C1orf115: variants seen among roughly 807,000 people sequenced by gnomAD.
The protein encoded by C1orf115 is required for drug-induced death protein 1.
Under a neutral mutation model 12.5 loss-of-function variants are expected in C1orf115, and 14 were observed. That is an observed-to-expected ratio of 1.12 (90% CI 0.74 to 1.75). The LOEUF is 1.75. Ranked by LOEUF, C1orf115 falls within the 40% of genes most tolerant of loss-of-function variation. The pLI is 0.00. For missense variants in C1orf115, 237 were observed against 220.8 expected (o/e 1.07, Z -0.46); for synonymous variants, 109 against 104.6 (o/e 1.04, Z -0.26).
chr1:220,690,463 C>G lies in C1orf115; in HGVS notation c.61C>G (p.Arg21Gly), dbSNP rs1260263185. The change falls in exon 1 of 2, where the codon CGA (arginine) becomes GGA (glycine). Residue 21 changes from arginine to glycine, a missense_variant. Physicochemically the swap from Arg to Gly is moderately radical, Grantham distance 125. Transcript: ENST00000294889. ...GAGCAGCCTCCTGCGCCGCGGGCCCCGAGGGCGAGGGCGAACCGAGGGGGA... is the reference window on the plus strand; with the variant it reads ...GAGCAGCCTCCTGCGCCGCGGGCCCGGAGGGCGAGGGCGAACCGAGGGGGA... ...AESSLLRRGPRGRGRTEGDEE... is the reference protein window; with the variant it reads ...AESSLLRRGPGGRGRTEGDEE... 1.5e-5 allele frequency: 22 copies of G among 1,440,184 alleles called. No homozygotes were observed. The highest frequency in any genetic ancestry group is 1.9e-5 in the Non-Finnish European group (21 of 1,104,092). The allele number at this position is 1,440,184 out of a possible 1,614,324, so 89.2% of individuals were successfully genotyped here. A position where few individuals can be genotyped will look rare whatever the true frequency, so the allele number is the denominator to read the frequency against.
Position 220,697,394 on chromosome 1 carries a change from A to G in C1orf115, c.*663A>G, listed in dbSNP as rs1038800931. On this transcript the variant is annotated 3_prime_UTR_variant, in exon 2 of 2. Transcript: ENST00000294889. This position sits in a 1 kb window ranked among gnomAD's most constrained non-coding sequence, Gnocchi z 4.5. ...CCTTGTCATTTTACCCCATCCCTGC[A>G]TGACTGTGAAGCTGGCGAGGAAGGA... The G allele has an allele frequency of 1.5e-4, 23 of 152,540 alleles. No homozygotes were observed. The highest frequency in any genetic ancestry group is 4.1e-4 in the African/African-American group (17 of 41,570). 9.4% of individuals were successfully genotyped at this position (152,540 alleles called of 1,614,324 possible).
chr1:220,690,528 G>C lies in C1orf115; in HGVS notation c.126G>C (p.Ala42=). The C allele has an allele frequency of 6.9e-7, 1 of 1,444,008 alleles. No individual in the cohort carries two copies. The highest frequency in any genetic ancestry group is 9.0e-7 in the Non-Finnish European group (1 of 1,105,006). The allele number at this position is 1,444,008 out of a possible 1,614,324, so 89.4% of individuals were successfully genotyped here. A position where few individuals can be genotyped will look rare whatever the true frequency, so the allele number is the denominator to read the frequency against. Residue 42 remains alanine (A), a synonymous_variant, in exon 1 of 2, where the codon GCG becomes GCC. Coordinates refer to ENST00000294889, the MANE Select transcript of C1orf115 (RefSeq NM_024709.5). The part of the protein sequence containing the change: ...AAAILEHLEY[A]DEAEAAAESG... ...CCATCCTGGAGCACCTGGAGTACGCGGACGAGGCGGAGGCGGCGGCCGAGA... is the reference window on the plus strand; with the variant it reads ...CCATCCTGGAGCACCTGGAGTACGCCGACGAGGCGGAGGCGGCGGCCGAGA...
intron 1 of C1orf115, among the ~76,000 whole-genome samples, chr1:220,690,918 C>T (rs1053326013): frequency 6.6e-6 from 1 of 152,002 alleles, no homozygotes; most frequent in Admixed American, 6.5e-5. Context: ...CTGGGTGGTC[C>T]CTGCTGTGCC....
At chr1:220,695,478 C>G (rs1156665947) in intron 1 of C1orf115, among the ~76,000 whole-genome samples, 1 of 150,166 alleles carries the variant, frequency 6.7e-6, no homozygotes, top group Non-Finnish European at 1.5e-5. Context: ...TGAACGTGTT[C>G]CCTGACGATG....
At chr1:220,694,247 A>G (rs911981272) in intron 1 of C1orf115, among the ~76,000 whole-genome samples, 5 of 152,234 alleles carry the variant, frequency 3.3e-5, no homozygotes, top group Non-Finnish European at 7.3e-5. Flanking sequence ...AGCAGTAATA[A>G]TAGCTGACAT....
At position 220,698,194 on chromosome 1, in the gene C1orf115, G is replaced by C. The variant is rs1452591133; in HGVS notation, c.*1463G>C. On this transcript the variant is annotated 3_prime_UTR_variant, in exon 2 of 2. Coordinates refer to ENST00000294889, the MANE Select transcript of C1orf115 (RefSeq NM_024709.5). ...GGGGCTGTTGCTGAACAGTCTGCAG[G>C]ACCAGTGACAGCACCTACCTGTTGT... 1.3e-5 allele frequency: 2 copies of C among 152,254 alleles called. No individual in the cohort carries two copies. Among genetic ancestry groups the C allele is most frequent in the Non-Finnish European group, 2.9e-5 (2 of 68,098 alleles). The allele number at this position is 152,254 out of a possible 1,614,324, so 9.4% of individuals were successfully genotyped here.
At chr1:220,690,771 G>C in intron 1 of C1orf115, 60 bp downstream of exon 1, 2 of 1,524,264 alleles carry the variant, frequency 1.3e-6, no homozygotes, top group Non-Finnish European at 1.8e-6. Context: ...GCGGGGGAGC[G>C]GGAGCCGGGT....
intron 1 of C1orf115, among the ~76,000 whole-genome samples, chr1:220,694,228 A>T (rs1205599194): frequency 6.6e-6 from 1 of 152,180 alleles, no homozygotes; most frequent in East Asian, 1.9e-4. Context: ...AAAGAAGCAG[A>T]TGTTATTTAG....
At chr1:220,693,762 G>A (rs59862879) in intron 1 of C1orf115, among the ~76,000 whole-genome samples, 7 of 152,148 alleles carry the variant, frequency 4.6e-5, no homozygotes, top group African/African-American at 1.7e-4. Flanking sequence ...TTCTGTTACT[G>A]TGAGGGACCC....
chr1:220,690,388 AG>A lies in C1orf115; in HGVS notation c.-11del. On this transcript the variant is annotated 5_prime_UTR_variant, in exon 1 of 2. Coordinates refer to ENST00000294889, the MANE Select transcript of C1orf115 (RefSeq NM_024709.5). ...GTCTTTGCGCTCGGACCTTCGCCAGAGGGGCCGGGACATCATGACGGTGGGA... is the reference window on the plus strand; with the variant it reads ...GTCTTTGCGCTCGGACCTTCGCCAGAGGGCCGGGACATCATGACGGTGGGA... 1.4e-6 allele frequency: 2 copies of A among 1,392,540 alleles called. No individual in the cohort carries two copies. Among genetic ancestry groups the A allele is most frequent in the Non-Finnish European group, 1.9e-6 (2 of 1,080,332 alleles). The allele number at this position is 1,392,540 out of a possible 1,614,324, so 86.3% of individuals were successfully genotyped here.
In C1orf115 at chr1:220,690,583, C is replaced by G. The variant is rs1457603847; in HGVS notation, c.181C>G (p.Pro61Ala). The change falls in exon 1 of 2, where the codon CCG becomes GCG. Residue 61 changes from proline (P) to alanine (A), a missense_variant. Physicochemically the swap from Pro to Ala is conservative, Grantham distance 27 (BLOSUM62 -1). Coordinates refer to ENST00000294889, the MANE Select transcript of C1orf115 (RefSeq NM_024709.5). ...SGTSAADERG[P>A]GTRGARRVHF... is the part of the protein sequence containing the mutation. The stretch of plus-strand genomic sequence containing the variant: ...GACGAGCGCGGCGGACGAGCGGGGC[C>G]CGGGGACCCGGGGCGCGCGGAGGGT... 1.3e-6 allele frequency: 2 copies of G among 1,508,084 alleles called. No individual in the cohort carries two copies. The highest frequency in any genetic ancestry group is 5.6e-5 in the East Asian group (2 of 35,962). The allele number at this position is 1,508,084 out of a possible 1,614,324, so 93.4% of individuals were successfully genotyped here.
At position 220,698,644 on chromosome 1, in the gene C1orf115, T is replaced by G. The variant is rs1208593327; in HGVS notation, c.*1913T>G. ...CCCCAGGCAGCCCACAAGTTTCTCG[T>G]GGGGAGATGGAGGCAGAGCCCAGGG... On this transcript the variant is annotated 3_prime_UTR_variant, in exon 2 of 2. Transcript: ENST00000294889. 1 of 152,108 alleles carries G rather than the reference T, an allele frequency of 6.6e-6. No homozygotes were observed. Among genetic ancestry groups the G allele is most frequent in the East Asian group, 1.9e-4 (1 of 5,182 alleles). The allele number at this position is 152,108 out of a possible 1,614,324, so 9.4% of individuals were successfully genotyped here.
chr1:220,698,351 C>T lies in C1orf115; in HGVS notation c.*1620C>T, dbSNP rs2102519197. 6.6e-6 allele frequency: 1 copy of T among 152,394 alleles called. No homozygotes were observed. The highest frequency in any genetic ancestry group is 1.9e-4 in the East Asian group (1 of 5,174). 9.4% of individuals were successfully genotyped at this position (152,394 alleles called of 1,614,324 possible). Reference sequence around the variant, plus strand: ...GAAGCTGTGGAGCTAGACTCTGCTTCACTTCCTGAAGCTTCAACTTCATGT... The same window carrying T: ...GAAGCTGTGGAGCTAGACTCTGCTTTACTTCCTGAAGCTTCAACTTCATGT... On this transcript the variant is annotated 3_prime_UTR_variant, in exon 2 of 2. Coordinates refer to ENST00000294889, the MANE Select transcript of C1orf115 (RefSeq NM_024709.5).
intron 1 of C1orf115, among the ~76,000 whole-genome samples, chr1:220,691,647 A>G (rs760769587): frequency 2.0e-5 from 3 of 152,222 alleles, no homozygotes; most frequent in Non-Finnish European, 4.4e-5. Context: ...GGGTAAAACT[A>G]TAAAGTTGGG....
Position 220,696,867 on chromosome 1 carries a change from A to G in C1orf115, c.*136A>G, listed in dbSNP as rs1670203727. ...AACATGCCTTTCTTTGTTGAATCAC[A>G]TTAGTATGATGAGTGAGTCATCCCT... On this transcript the variant is annotated 3_prime_UTR_variant, in exon 2 of 2. Coordinates refer to ENST00000294889, the MANE Select transcript of C1orf115 (RefSeq NM_024709.5). 2.6e-6 allele frequency: 3 copies of G among 1,162,078 alleles called. No homozygotes were observed. Among genetic ancestry groups the G allele is most frequent in the Non-Finnish European group, 2.3e-6 (2 of 858,188 alleles). The allele number at this position is 1,162,078 out of a possible 1,614,324, so 72.0% of individuals were successfully genotyped here.
intron 1 of C1orf115, among the ~76,000 whole-genome samples, chr1:220,692,634 G>A (rs866079117): frequency 6.6e-6 from 1 of 152,212 alleles, no homozygotes; most frequent in African/African-American, 2.4e-5. Context: ...GTGGTTGCCA[G>A]GGACTGCGGG....
chr1:220,690,489 C>T lies in C1orf115; in HGVS notation c.87C>T (p.Asp29=). ...GAGGGCGAGGGCGAACCGAGGGGGA[C>T]GAGGAGGCGGCCGCCATCCTGGAGC... ...GPRGRGRTEG[D]EEAAAILEHL... Residue 29 remains aspartate, a synonymous_variant, in exon 1 of 2, where the codon GAC becomes GAT. Transcript: ENST00000294889. The T allele has an allele frequency of 1.4e-6, 2 of 1,434,792 alleles. No individual in the cohort carries two copies. The highest frequency in any genetic ancestry group is 1.5e-5 in the African/African-American group (1 of 66,342). The allele number at this position is 1,434,792 out of a possible 1,614,324, so 88.9% of individuals were successfully genotyped here. A position where few individuals can be genotyped will look rare whatever the true frequency, so the allele number is the denominator to read the frequency against.
chr1:220,694,536 T>G lies in C1orf115; in HGVS notation c.310-2076T>G, dbSNP rs968170905. ...GTCATAGGCCCTGAAGTGAGATTTC[T>G]TTGGGATTGAACTTCAGCTCTGCCC... On this transcript the variant is annotated intron_variant, in intron 1 of 1. Transcript: ENST00000294889. Among the ~76,000 whole-genome samples the G allele has an allele frequency of 6.6e-5, 10 of 152,338 alleles. No homozygotes were observed. In the East Asian group the frequency reaches 1.9e-3, roughly 29 times the overall value.
intron 1 of C1orf115, among the ~76,000 whole-genome samples, chr1:220,696,249 C>T (rs1670192517): frequency 6.6e-6 from 1 of 152,160 alleles, no homozygotes; most frequent in Non-Finnish European, 1.5e-5. Context: ...TAATTTTTAG[C>T]TGGAACAGAG....
Sources: allele counts gnomAD v4.1 joint callset (sites outside exome capture counted in the v4.1 genomes callset), GRCh38; gene constraint gnomAD v4.1.1; non-coding constraint Gnocchi (gnomAD v3.1); transcripts MANE v1.5; gene names NCBI Gene and HGNC (gene_info 2026-07-23, HGNC 2026-07-21).